DZIP3: variants seen among roughly 807,000 people sequenced by gnomAD.
DZIP3 encodes the protein E3 ubiquitin-protein ligase DZIP3.
DZIP3 carries 118 observed loss-of-function variants against 162.0 expected under a neutral mutation model. The observed-to-expected ratio is 0.73, with a 90% CI of 0.63 to 0.85. DZIP3 has a LOEUF of 0.85. Among genes scored for constraint, DZIP3 ranks in the 40% least tolerant of loss-of-function variants. DZIP3 has a pLI of 0.00. For synonymous variants in DZIP3, 438 were observed against 458.6 expected (o/e 0.96, Z 0.57); for missense variants, 1,331 against 1,407.0 (o/e 0.95, Z 0.86).
intron 1 of DZIP3, among the ~76,000 whole-genome samples, chr3:108,601,238 A>G (rs1396288592): frequency 1.3e-5 from 2 of 152,034 alleles, no homozygotes; most frequent in African/African-American, 2.4e-5. Flanking sequence ...GATTGCCACA[A>G]TGGGGCTGAG....
chr3:108,662,324 C>A, intron 21 of DZIP3, 67 bp downstream of exon 21: 3 of 1,504,014 alleles, frequency 2.0e-6, no homozygotes, highest in Admixed American at 2.5e-5. Context: ...AATAGTTAAT[C>A]TCTGCATAAC....
At chr3:108,629,496 A>G (rs1941730718) in intron 8 of DZIP3, among the ~76,000 whole-genome samples, 1 of 152,304 alleles carries the variant, frequency 6.6e-6, no homozygotes, top group South Asian at 2.1e-4. Context: ...ATTACAAAGT[A>G]CTAAATGCTT....
intron 11 of DZIP3, among the ~76,000 whole-genome samples, 174 bp from the exon 12 acceptor site, chr3:108,637,322 C>T (rs943554611): frequency 9.2e-5 from 14 of 151,852 alleles, no homozygotes; most frequent in Admixed American, 4.6e-4. Flanking sequence ...AACTCTAGTT[C>T]GTTTTTTTGA....
At chr3:108,656,630 C>A (rs1294378414) in intron 19 of DZIP3, among the ~76,000 whole-genome samples, 1 of 152,192 alleles carries the variant, frequency 6.6e-6, no homozygotes, top group African/African-American at 2.4e-5. Flanking sequence ...AGCAACAGAA[C>A]AAACCTGGAC....
intron 1 of DZIP3, among the ~76,000 whole-genome samples, chr3:108,593,916 C>G (rs1316686357): frequency 6.6e-6 from 1 of 152,050 alleles, no homozygotes; most frequent in Non-Finnish European, 1.5e-5. Context: ...CCGCTCGCCT[C>G]AGCTTCCTAA....
chr3:108,658,791 A>C (rs1158168629), intron 19 of DZIP3, among the ~76,000 whole-genome samples: 7 of 152,204 alleles, frequency 4.6e-5, no homozygotes, highest in African/African-American at 1.4e-4. Flanking sequence ...AGACACAATA[A>C]AAAATGATAA....
intron 17 of DZIP3, among the ~76,000 whole-genome samples, chr3:108,649,512 A>G (rs2107660711): frequency 6.6e-6 from 1 of 151,988 alleles, no homozygotes; most frequent in African/African-American, 2.4e-5. Context: ...TTGCTAGGAA[A>G]ACTATAAGGG....
Position 108,647,944 on chromosome 3 carries a change from T to A in DZIP3, c.1794T>A (p.Arg598=). ...GAGAATTTTGTCTTTTATGTTTAGGTATTGAAATAGAAGAGTTACAGAATG... is the reference window on the plus strand; with the variant it reads ...GAGAATTTTGTCTTTTATGTTTAGGAATTGAAATAGAAGAGTTACAGAATG... ...IALQSITGSQ[R]IEIEELQNEE... The change falls in exon 16 of 33, where the codon CGT becomes CGA. Residue 598 remains arginine (R), a splice_region_variant and synonymous_variant. Coordinates refer to ENST00000361582, the MANE Select transcript of DZIP3 (RefSeq NM_014648.4). The A allele has an allele frequency of 1.3e-6, 2 of 1,535,286 alleles. No individual in the cohort carries two copies. The highest frequency in any genetic ancestry group is 1.7e-6 in the Non-Finnish European group (2 of 1,147,526).
intron 10 of DZIP3, 103 bp downstream of exon 10, chr3:108,635,075 C>CT (rs1194559233): frequency 1.6e-6 from 1 of 625,628 alleles, no homozygotes; most frequent in African/African-American, 1.9e-5. Context: ...TTCCCTCCTG[C>CT]TTTTTACTTC....
Position 108,616,719 on chromosome 3 carries a change from A to C in DZIP3, c.375+62A>C, listed in dbSNP as rs933089083. 5.2e-6 allele frequency: 6 copies of C among 1,163,182 alleles called. No individual in the cohort carries two copies. In the African/African-American group the frequency reaches 7.9e-5, roughly 15 times the overall value. 72.1% of individuals were successfully genotyped at this position (1,163,182 alleles called of 1,614,324 possible). ...CTTGGTCAACATTTCTCAGTGAGAAAACAGCCAATGCATGCTTATTTTAAG... is the reference window on the plus strand; with the variant it reads ...CTTGGTCAACATTTCTCAGTGAGAACACAGCCAATGCATGCTTATTTTAAG... On this transcript the variant is annotated intron_variant, in intron 5 of 32. Transcript: ENST00000361582.
intron 8 of DZIP3, among the ~76,000 whole-genome samples, chr3:108,631,587 T>C (rs1327053475): frequency 1.4e-5 from 2 of 143,234 alleles, no homozygotes; most frequent in African/African-American, 5.1e-5. Flanking sequence ...TATTCCCTTT[T>C]TTTTTTTTTT....
Position 108,629,055 on chromosome 3 carries a change from C to G in DZIP3, c.582-7C>G. ...TCAAACTAACCTTATTTTAAAATGC[C>G]TTTCAGATATAATGGAGGACTGCTA... On this transcript the variant is annotated splice_region_variant and splice_polypyrimidine_tract_variant and intron_variant, in intron 7 of 32. Coordinates refer to ENST00000361582, the MANE Select transcript of DZIP3 (RefSeq NM_014648.4). The G allele has an allele frequency of 3.2e-6, 5 of 1,551,798 alleles. 1 individual carries two copies. In the South Asian group the frequency reaches 6.0e-5, roughly 19 times the overall value.
intron 19 of DZIP3, among the ~76,000 whole-genome samples, chr3:108,655,603 A>G (rs1943072129): frequency 6.6e-6 from 1 of 151,934 alleles, no homozygotes; most frequent in Non-Finnish European, 1.5e-5. Context: ...CTGCATTTCC[A>G]ACTAAGGTAC....
At chr3:108,624,152 G>A (rs1388578773) in intron 5 of DZIP3, among the ~76,000 whole-genome samples, 2 of 152,166 alleles carry the variant, frequency 1.3e-5, no homozygotes, top group East Asian at 1.9e-4. Context: ...TGGTGTTCCT[G>A]TGTTGGTGAC....
At chr3:108,632,312 T>C (rs908601307) in intron 8 of DZIP3, among the ~76,000 whole-genome samples, 1 of 152,074 alleles carries the variant, frequency 6.6e-6, no homozygotes, top group African/African-American at 2.4e-5. Flanking sequence ...CTACCATAGC[T>C]CACTGCAGCT....
chr3:108,674,803 A>T (rs1351881820), intron 24 of DZIP3, among the ~76,000 whole-genome samples: 1 of 151,868 alleles, frequency 6.6e-6, no homozygotes, highest in Non-Finnish European at 1.5e-5. Flanking sequence ...AAACTTAAAG[A>T]ATTAATTAAA....
At chr3:108,595,018 A>T (rs954266097) in intron 1 of DZIP3, among the ~76,000 whole-genome samples, 1 of 152,228 alleles carries the variant, frequency 6.6e-6, no homozygotes, top group Admixed American at 6.5e-5. Context: ...TTTATTCATC[A>T]AATGTTTATT....
At chr3:108,618,934 G>A (rs745366921) in intron 5 of DZIP3, among the ~76,000 whole-genome samples, 12 of 151,482 alleles carry the variant, frequency 7.9e-5, no homozygotes, top group Non-Finnish European at 1.0e-4. Flanking sequence ...GGTGGCATGC[G>A]CCTGTAATCC....
At chr3:108,640,514 C>T (rs1293859908) in intron 12 of DZIP3, among the ~76,000 whole-genome samples, 4 of 147,508 alleles carry the variant, frequency 2.7e-5, no homozygotes, top group Admixed American at 1.4e-4. Context: ...GGCACGATCT[C>T]GGCTCACTGC....
Sources: allele counts gnomAD v4.1 joint callset (sites outside exome capture counted in the v4.1 genomes callset), GRCh38; gene constraint gnomAD v4.1.1; transcripts MANE v1.5; gene names NCBI Gene and HGNC (gene_info 2026-07-23, HGNC 2026-07-21).